Variants in SETBP1 observed in about 807,000 individuals in gnomAD.
The protein encoded by SETBP1 is SET binding protein 1.
Under a neutral mutation model 101.0 loss-of-function variants are expected in SETBP1, and 9 were observed. The observed-to-expected ratio is 0.09, with a 90% CI of 0.05 to 0.16. SETBP1 has a LOEUF of 0.16. Ranked by LOEUF, SETBP1 falls within the 10% of genes least tolerant of loss-of-function variation. SETBP1 has a pLI of 1.00. For missense variants in SETBP1, 1,858 were observed against 2,033.8 expected, an observed-to-expected ratio of 0.91 and a Z score of 1.66; for synonymous variants, 818 against 788.5, an observed-to-expected ratio of 1.04 and a Z score of -0.63.
chr18:44,805,229 C>T (rs1223272158), intron 2 of SETBP1, among the ~76,000 whole-genome samples: 1 of 152,102 alleles, frequency 6.6e-6, no homozygotes, highest in Non-Finnish European at 1.5e-5. Flanking sequence ...CCGTTTAAGA[C>T]TCCAAGTAAT....
rs199547532 is a variant in SETBP1 at position 44,952,616 on chromosome 18, A to G, written c.3276A>G (p.Pro1092=). 2 of 1,612,668 alleles carry G rather than the reference A, an allele frequency of 1.2e-6. No individual in the cohort carries two copies. The highest frequency in any genetic ancestry group is 2.2e-5 in the South Asian group (2 of 91,012). Residue 1092 remains proline (P), a synonymous_variant, in exon 4 of 6, where the codon CCA becomes CCG. Coordinates refer to ENST00000649279, the MANE Select transcript of SETBP1 (RefSeq NM_015559.3). ...CATTCATGAGGCCAACAGTGCCACC[A>G]CCTCAGTTCCACACAAACTCCCACG... is the stretch of plus-strand genomic sequence containing the variant. ...ASPFMRPTVP[P]PQFHTNSHVK...
At chr18:45,050,692 G>T (rs1008195272) in intron 5 of SETBP1, among the ~76,000 whole-genome samples, 1 of 152,218 alleles carries the variant, frequency 6.6e-6, no homozygotes, top group Non-Finnish European at 1.5e-5. Flanking sequence ...CAATGTGTGT[G>T]AACACTCTGT....
chr18:44,699,314 G>T (rs751532369), intron 1 of SETBP1, among the ~76,000 whole-genome samples: 1 of 152,142 alleles, frequency 6.6e-6, no homozygotes, highest in Non-Finnish European at 1.5e-5. Context: ...AGACCTACTG[G>T]ATTCTTACCG....
chr18:44,787,398 C>T (rs890918113), intron 2 of SETBP1, among the ~76,000 whole-genome samples: 1 of 152,084 alleles, frequency 6.6e-6, no homozygotes, highest in Non-Finnish European at 1.5e-5. Flanking sequence ...GCTCCAGGAA[C>T]CCTAACTAAA....
At chr18:45,055,683 T>C (rs2073797405) in intron 5 of SETBP1, among the ~76,000 whole-genome samples, 1 of 152,212 alleles carries the variant, frequency 6.6e-6, no homozygotes, top group Admixed American at 6.5e-5. Flanking sequence ...TAAAGTACAT[T>C]GTTGACTGTG....
At position 44,953,046 on chromosome 18, in the gene SETBP1, C is replaced by T. The variant is rs775643787; in HGVS notation, c.3706C>T (p.Leu1236Phe). ...GGTGGACACCCTGTCTACACTGTCA[C>T]TTTCCGACGCCCAGCATTGGACACA... ...FEVDTLSTLS[L>F]SDAQHWTQAK... Residue 1236 changes from leucine (L) to phenylalanine (F), a missense_variant, in exon 4 of 6, where the codon CTT (leucine) becomes TTT (phenylalanine). Physicochemically the swap from Leu to Phe is conservative, Grantham distance 22. Transcript: ENST00000649279. 1.9e-6 allele frequency: 3 copies of T among 1,614,112 alleles called. No homozygotes were observed. The highest frequency in any genetic ancestry group is 2.2e-5 in the South Asian group (2 of 91,082).
intron 5 of SETBP1, among the ~76,000 whole-genome samples, chr18:45,041,048 T>C (rs2073498619): frequency 6.6e-6 from 1 of 152,180 alleles, no homozygotes; most frequent in Admixed American, 6.5e-5. Context: ...AATGCTCTGT[T>C]TTACATGTGA....
At chr18:44,794,900 A>G (rs1043979592) in intron 2 of SETBP1, among the ~76,000 whole-genome samples, 2 of 152,196 alleles carry the variant, frequency 1.3e-5, no homozygotes, top group African/African-American at 2.4e-5. Context: ...CAAGCAGGAA[A>G]CATTCATGGA....
chr18:44,916,647 A>G (rs944259524), intron 3 of SETBP1, among the ~76,000 whole-genome samples: 1 of 151,870 alleles, frequency 6.6e-6, no homozygotes, highest in African/African-American at 2.4e-5. Context: ...TATCCAAGAA[A>G]CAGCCCAGAC....
chr18:44,858,485 A>G (rs1225849196), intron 2 of SETBP1, among the ~76,000 whole-genome samples: 2 of 152,290 alleles, frequency 1.3e-5, no homozygotes, highest in Non-Finnish European at 2.9e-5. Flanking sequence ...AAACAAGCAA[A>G]TAACCTGATT....
chr18:44,694,947 A>G (rs1300076174), intron 1 of SETBP1, among the ~76,000 whole-genome samples: 1 of 152,262 alleles, frequency 6.6e-6, no homozygotes, highest in Admixed American at 6.5e-5. Flanking sequence ...GAGCATGCTG[A>G]TGAAAAGACA....
intron 2 of SETBP1, chr18:44,732,585 A>G (rs889465826): frequency 6.6e-6 from 1 of 152,226 alleles, no homozygotes; most frequent in African/African-American, 2.4e-5. Context: ...AACATGCCCT[A>G]TTTAGCCCTC....
intron 2 of SETBP1, among the ~76,000 whole-genome samples, chr18:44,787,046 T>C (rs1436383775): frequency 6.6e-6 from 1 of 152,216 alleles, no homozygotes. Flanking sequence ...ATTTATAGAC[T>C]TTGATGCCCT....
At position 44,952,886 on chromosome 18, in the gene SETBP1, C is replaced by A; in HGVS notation, c.3546C>A (p.Ser1182=). 6.2e-7 allele frequency: 1 copy of A among 1,614,202 alleles called. No individual in the cohort carries two copies. The highest frequency in any genetic ancestry group is 1.6e-4 in the Middle Eastern group (1 of 6,062). Residue 1182 remains serine (S), a synonymous_variant, in exon 4 of 6, where the codon TCC becomes TCA. Transcript: ENST00000649279. The part of the protein sequence containing the change: ...GLFAGKATGF[S]SHILSERLSS... ...TTGCAGGCAAAGCCACAGGCTTCTC[C>A]AGCCACATCCTGAGCGAGCGGCTGA...
At chr18:45,013,462 C>G (rs1406019834) in intron 4 of SETBP1, among the ~76,000 whole-genome samples, 1 of 143,872 alleles carries the variant, frequency 7.0e-6, no homozygotes, top group Admixed American at 6.7e-5. Flanking sequence ...TTTTTTGAGA[C>G]AGAGTCTTGC....
chr18:44,697,118 C>CA (rs1426850751), intron 1 of SETBP1: 1 of 152,274 alleles, frequency 6.6e-6, no homozygotes, highest in African/African-American at 2.4e-5. Flanking sequence ...TGGAATGTGA[C>CA]AAGGCAAAAC....
At chr18:44,778,531 C>G (rs1008549227) in intron 2 of SETBP1, among the ~76,000 whole-genome samples, 1 of 152,168 alleles carries the variant, frequency 6.6e-6, no homozygotes, top group African/African-American at 2.4e-5. Flanking sequence ...ATGGTTTTTA[C>G]TAAGAACACA....
chr18:44,696,563 C>A (rs1449590333), intron 1 of SETBP1, among the ~76,000 whole-genome samples: 1 of 152,176 alleles, frequency 6.6e-6, no homozygotes, highest in Non-Finnish European at 1.5e-5. Flanking sequence ...TACTCTGGAA[C>A]TTATTTGGGT....
intron 3 of SETBP1, among the ~76,000 whole-genome samples, chr18:44,935,347 G>C (rs772425434): frequency 5.9e-5 from 9 of 152,140 alleles, no homozygotes; most frequent in Non-Finnish European, 1.3e-4. Context: ...AAGGAAAAAA[G>C]GGAAACATGC....
Sources: gnomAD v4.1 joint callset for allele counts (sites outside exome capture counted in the v4.1 genomes callset) on GRCh38, gnomAD v4.1.1 for gene constraint, MANE v1.5 for transcripts, NCBI Gene and HGNC (gene_info 2026-07-23, HGNC 2026-07-21) for gene names.